GREB1L: variants seen among roughly 807,000 people sequenced by gnomAD.
The protein encoded by GREB1L is GREB1 like retinoic acid receptor coactivator, also known as GREB1-like protein.
In GREB1L, 17 loss-of-function variants were observed where a neutral mutation model predicts 200.8. The observed-to-expected ratio is 0.08, with a 90% CI of 0.06 to 0.13. The LOEUF (loss-of-function observed/expected upper bound fraction) is 0.13, where lower values mean the gene tolerates loss of function less well. Among genes scored for constraint, GREB1L ranks in the 10% least tolerant of loss-of-function variants. The pLI is 1.00. For synonymous variants in GREB1L, 789 were observed against 893.0 expected (o/e 0.88, Z 2.08); for missense variants, 1,657 against 2,367.7 (o/e 0.70, Z 6.23).
At chr18:21,249,358 T>C (rs1388019120) in intron 1 of GREB1L, among the ~76,000 whole-genome samples, 2 of 152,182 alleles carry the variant, frequency 1.3e-5, no homozygotes, top group South Asian at 2.1e-4. Context: ...ATATTCAAAA[T>C]CTCAGGCCCC....
intron 4 of GREB1L, among the ~76,000 whole-genome samples, chr18:21,395,105 C>CAAAAAAAAAAAAA (rs372663303): frequency 3.1e-5 from 2 of 64,058 alleles, no homozygotes; most frequent in African/African-American, 4.8e-5. Flanking sequence ...GACTCCATCT[C>CAAAAAAAAAAAAA]AAAAAAAAAA....
At chr18:21,384,124 C>A in intron 3 of GREB1L, 82 bp from the exon 4 acceptor site, 1 of 992,090 alleles carries the variant, frequency 1.0e-6, no homozygotes, top group Non-Finnish European at 1.5e-6. Context: ...GACCTTTTTT[C>A]TTCAATTATG....
At chr18:21,329,201 T>G (rs2145013220) in intron 1 of GREB1L, among the ~76,000 whole-genome samples, 1 of 151,888 alleles carries the variant, frequency 6.6e-6, no homozygotes, top group South Asian at 2.1e-4. Flanking sequence ...GGTGTGTCCC[T>G]GTAATCCCAA....
intron 21 of GREB1L, 65 bp downstream of exon 21, chr18:21,496,763 G>C: frequency 6.6e-7 from 1 of 1,510,598 alleles, no homozygotes; most frequent in African/African-American, 1.4e-5. Context: ...TAGGAATTTG[G>C]AAGGCAGAGG....
intron 23 of GREB1L, among the ~76,000 whole-genome samples, chr18:21,501,742 T>C (rs771601545): frequency 1.8e-4 from 27 of 152,376 alleles, no homozygotes; most frequent in Non-Finnish European, 3.5e-4. Context: ...TCTTATATTT[T>C]ACCCATAGGC....
At chr18:21,510,329 A>G (rs1036263188) in intron 27 of GREB1L, among the ~76,000 whole-genome samples, 1 of 152,198 alleles carries the variant, frequency 6.6e-6, no homozygotes, top group African/African-American at 2.4e-5. Context: ...ACCTTGTGAA[A>G]CAGAAACTCT....
chr18:21,474,145 C>T (rs1054542411), intron 16 of GREB1L, among the ~76,000 whole-genome samples: 5 of 152,130 alleles, frequency 3.3e-5, no homozygotes, highest in African/African-American at 1.2e-4. Flanking sequence ...ATTTCAAAAC[C>T]AATTATGCCT....
chr18:21,360,489 G>A (rs1265456789), intron 1 of GREB1L, among the ~76,000 whole-genome samples: 1 of 152,174 alleles, frequency 6.6e-6, no homozygotes, highest in Non-Finnish European at 1.5e-5. Flanking sequence ...GCCTCCCAAA[G>A]TGCTGGGATT....
chr18:21,510,107 A>G (rs2037178333), intron 27 of GREB1L, among the ~76,000 whole-genome samples: 1 of 151,700 alleles, frequency 6.6e-6, no homozygotes, highest in South Asian at 2.1e-4. Context: ...CCAGCTACTC[A>G]GGAGTCTGAG....
chr18:21,334,888 C>T (rs1403908021), intron 1 of GREB1L, among the ~76,000 whole-genome samples: 1 of 152,048 alleles, frequency 6.6e-6, no homozygotes. Context: ...TGACTTAGAA[C>T]ATTTGAAGAT....
chr18:21,483,145 G>A (rs1475029435), intron 17 of GREB1L, among the ~76,000 whole-genome samples: 1 of 152,190 alleles, frequency 6.6e-6, no homozygotes, highest in Admixed American at 6.6e-5. Flanking sequence ...TAAGAAGAAA[G>A]AGAGAGAAAT....
At chr18:21,390,107 T>C (rs918193205) in intron 4 of GREB1L, among the ~76,000 whole-genome samples, 2 of 152,186 alleles carry the variant, frequency 1.3e-5, no homozygotes, top group African/African-American at 4.8e-5. Context: ...CATTGTAAAG[T>C]AGTGCAATGC....
In GREB1L at chr18:21,505,807, C is replaced by T. The variant is rs2036988690; in HGVS notation, c.4229-3C>T. On this transcript the variant is annotated splice_polypyrimidine_tract_variant and splice_region_variant and intron_variant, in intron 24 of 32. Coordinates refer to ENST00000424526, the MANE Select transcript of GREB1L (RefSeq NM_001142966.3). Reference sequence around the variant, plus strand: ...GGATGGCTTTTTGCCCCTTTATACACAGAAGTGATAAAGGAATCCAAAGTT... The same window carrying T: ...GGATGGCTTTTTGCCCCTTTATACATAGAAGTGATAAAGGAATCCAAAGTT... 5 of 1,550,870 alleles carry T rather than the reference C, an allele frequency of 3.2e-6. No homozygotes were observed. The highest frequency in any genetic ancestry group is 3.9e-5 in the Admixed American group (2 of 50,918).
chr18:21,416,914 C>A (rs1176306835), intron 7 of GREB1L, among the ~76,000 whole-genome samples: 1 of 151,806 alleles, frequency 6.6e-6, no homozygotes, highest in African/African-American at 2.4e-5. Context: ...GTAATCCCAG[C>A]TACTTGGGAG....
intron 5 of GREB1L, among the ~76,000 whole-genome samples, chr18:21,398,993 C>G (rs2041199768): frequency 6.6e-6 from 1 of 152,162 alleles, no homozygotes; most frequent in East Asian, 1.9e-4. Flanking sequence ...GATTCTAACT[C>G]TTTTATGTTG....
chr18:21,302,756 C>G (rs1489167348), intron 1 of GREB1L, among the ~76,000 whole-genome samples: 3 of 152,126 alleles, frequency 2.0e-5, no homozygotes, highest in African/African-American at 7.2e-5. Flanking sequence ...GAGTCTTGCT[C>G]TGTCGCCCAG....
At chr18:21,326,603 T>A (rs1468069424) in intron 1 of GREB1L, among the ~76,000 whole-genome samples, 1 of 152,238 alleles carries the variant, frequency 6.6e-6, no homozygotes, top group East Asian at 1.9e-4. Context: ...ACCAAGTTGC[T>A]TTTCACTAAA....
intron 19 of GREB1L, 134 bp from the exon 20 acceptor site, chr18:21,495,536 A>G: frequency 1.6e-6 from 1 of 644,122 alleles, no homozygotes; most frequent in Non-Finnish European, 2.7e-6. Context: ...AAATATACAT[A>G]CATAAACATA....
At chr18:21,390,763 T>C (rs2040768078) in intron 4 of GREB1L, among the ~76,000 whole-genome samples, 1 of 151,998 alleles carries the variant, frequency 6.6e-6, no homozygotes, top group Admixed American at 6.6e-5. Flanking sequence ...TCTCAATCTC[T>C]TGACCTTGTG....
Sources: gnomAD v4.1 joint callset for allele counts (sites outside exome capture counted in the v4.1 genomes callset) on GRCh38, gnomAD v4.1.1 for gene constraint, MANE v1.5 for transcripts, NCBI Gene and HGNC (gene_info 2026-07-23, HGNC 2026-07-21) for gene names.